MAPK6: variants seen among roughly 807,000 people sequenced by gnomAD.
MAPK6 encodes the protein ERK-3.
A neutral mutation model predicts 59.3 loss-of-function variants in MAPK6; 19 were observed. The observed-to-expected ratio is 0.32, with a 90% CI of 0.22 to 0.47. The LOEUF (loss-of-function observed/expected upper bound fraction) is 0.47. MAPK6 is among the 20% of genes least tolerant of loss of function. MAPK6 has a pLI of 1.00. For synonymous variants in MAPK6, 316 were observed against 290.3 expected, an observed-to-expected ratio of 1.09 and a Z score of -0.90; for missense variants, 724 against 847.9, an observed-to-expected ratio of 0.85 and a Z score of 1.81.
chr15:51,980,259 C>T (rs149680597), intron 1 of MAPK6, among the ~76,000 whole-genome samples: 42 of 150,254 alleles, frequency 2.8e-4, no homozygotes, highest in African/African-American at 1.0e-3. Flanking sequence ...CACTCCATTG[C>T]ACTCCAGCCT....
chr15:51,984,679 A>G (rs1476199399), intron 2 of MAPK6, among the ~76,000 whole-genome samples: 1 of 151,072 alleles, frequency 6.6e-6, no homozygotes, highest in African/African-American at 2.5e-5. Flanking sequence ...CTTAACAACC[A>G]GTTCTCCGGG....
At position 52,055,696 on chromosome 15, in the gene MAPK6, A is replaced by G. The variant is rs144652542; in HGVS notation, c.701-2937A>G. Reference sequence around the variant, plus strand: ...ATGCCCGGCTAATTTTTGAAATTTTAGTAGAGACAGGATTTCACCATATTG... The same window carrying G: ...ATGCCCGGCTAATTTTTGAAATTTTGGTAGAGACAGGATTTCACCATATTG... On this transcript the variant is annotated intron_variant, in intron 3 of 5. Coordinates refer to ENST00000261845, the MANE Select transcript of MAPK6 (RefSeq NM_002748.4). 3.9e-3 allele frequency among the ~76,000 whole-genome samples: 590 copies of G among 152,200 alleles called. 1 individual carries two copies. The highest frequency in any genetic ancestry group is 4.3e-3 in the Non-Finnish European group (292 of 68,008).
At chr15:52,009,466 ACTCT>A (rs998320337) in intron 3 of MAPK6, among the ~76,000 whole-genome samples, 12 of 152,124 alleles carry the variant, frequency 7.9e-5, no homozygotes, top group Admixed American at 1.3e-4. Flanking sequence ...AGAAAGTGTC[ACTCT>A]CTCTATGCTT....
chr15:52,058,547 TATA>T lies in MAPK6; in HGVS notation c.701-82_701-80del, dbSNP rs2141119070. ...TCAAACTTTTCCCCCCACTGGTCAT[TATA>T]ATATTTAAATTAGTTTAGTATGTTT... On this transcript the variant is annotated intron_variant, in intron 3 of 5. Transcript: ENST00000261845. 7 of 1,156,224 alleles carry T rather than the reference TATA, an allele frequency of 6.1e-6. No homozygotes were observed. In the South Asian group the frequency reaches 7.5e-5, roughly 12 times the overall value. The allele number at this position is 1,156,224 out of a possible 1,614,324, so 71.6% of individuals were successfully genotyped here. A position where few individuals can be genotyped will look rare whatever the true frequency, so the allele number is the denominator to read the frequency against.
chr15:52,008,556 A>G (rs1263006560), intron 3 of MAPK6, among the ~76,000 whole-genome samples: 1 of 152,192 alleles, frequency 6.6e-6, no homozygotes, highest in African/African-American at 2.4e-5. Context: ...TAGTGAACAT[A>G]CTTATTGCAT....
At chr15:51,975,386 C>G (rs973270809) in intron 1 of MAPK6, among the ~76,000 whole-genome samples, 6 of 151,372 alleles carry the variant, frequency 4.0e-5, no homozygotes, top group African/African-American at 1.5e-4. Context: ...ACTAAGAATA[C>G]AAAAATTAGC....
At position 51,974,733 on chromosome 15, in the gene MAPK6, C is replaced by G. The variant is rs187207024; in HGVS notation, c.-880+2827C>G. 1.2e-3 allele frequency among the ~76,000 whole-genome samples: 183 copies of G among 150,636 alleles called. 9 individuals carry two copies. The highest frequency in any genetic ancestry group is 9.0e-3 in the East Asian group (46 of 5,108). On this transcript the variant is annotated intron_variant, in intron 1 of 7. Transcript: ENST00000691380. ...ATGGAGAATTTCTTTTTTCCCCCCC[C>G]GCAAGACAGAGTCTTGCTCTGTCAC...
chr15:52,024,098 C>G lies in MAPK6; in HGVS notation c.-632+4722C>G, dbSNP rs536025331. On this transcript the variant is annotated intron_variant, in intron 1 of 5. Transcript: ENST00000261845. ...TGTTTTTTAGAATCCTAGCATTTACCTCAGAAAAGTCTGCCTCTGCAGAAA... is the reference window on the plus strand; with the variant it reads ...TGTTTTTTAGAATCCTAGCATTTACGTCAGAAAAGTCTGCCTCTGCAGAAA... Among the ~76,000 whole-genome samples, 5 of 152,122 alleles carry G rather than the reference C, an allele frequency of 3.3e-5. No individual in the cohort carries two copies. In the South Asian group the frequency reaches 6.2e-4, roughly 19 times the overall value.
intron 2 of MAPK6, among the ~76,000 whole-genome samples, chr15:52,047,248 A>G (rs2031621660): frequency 6.6e-6 from 1 of 152,178 alleles, no homozygotes; most frequent in East Asian, 1.9e-4. Flanking sequence ...GTGTATGGTT[A>G]TTTATTATAA....
At chr15:52,029,163 C>T (rs1314520079) in intron 1 of MAPK6, among the ~76,000 whole-genome samples, 1 of 152,076 alleles carries the variant, frequency 6.6e-6, no homozygotes, top group African/African-American at 2.4e-5. Flanking sequence ...TCAGCCTCCC[C>T]AGTAGCTGGG....
intron 1 of MAPK6, among the ~76,000 whole-genome samples, chr15:52,030,323 CTTA>C (rs1476462051): frequency 2.6e-5 from 4 of 152,166 alleles, no homozygotes; most frequent in Admixed American, 2.6e-4. Context: ...CCTTGTCTGT[CTTA>C]TTCTCTACTA....
At chr15:52,058,141 C>CCCTTTATTTCTTT (rs144930719) in intron 3 of MAPK6, among the ~76,000 whole-genome samples, 2,596 of 152,264 alleles carry the variant, frequency 0.017, 72 homozygotes, top group African/African-American at 0.059. Context: ...TAAAGTTTCC[C>CCCTTTATTTCTTT]CCTTTATTTC....
chr15:51,978,839 G>C (rs1306685038), intron 1 of MAPK6, among the ~76,000 whole-genome samples: 1 of 151,740 alleles, frequency 6.6e-6, no homozygotes, highest in African/African-American at 2.4e-5. Context: ...AATTTGAAGG[G>C]GCCAAGCATG....
intron 2 of MAPK6, among the ~76,000 whole-genome samples, chr15:52,049,209 C>T (rs1210559897): frequency 2.6e-5 from 4 of 152,134 alleles, no homozygotes; most frequent in Non-Finnish European, 5.9e-5. Flanking sequence ...AGGAGGTAGA[C>T]ATTGGTTTAT....
chr15:52,001,929 G>A (rs1291721350), intron 2 of MAPK6, among the ~76,000 whole-genome samples: 1 of 151,990 alleles, frequency 6.6e-6, no homozygotes, highest in African/African-American at 2.4e-5. Context: ...ATGTGTCAGA[G>A]TCTCACTCTT....
chr15:52,018,458 C>T (rs1175374696), upstream of MAPK6, among the ~76,000 whole-genome samples: 1 of 152,196 alleles, frequency 6.6e-6, no homozygotes, highest in Admixed American at 6.5e-5. Context: ...TGCTGACCTG[C>T]GTCTCTAATT....
At chr15:52,014,849 A>G (rs1276429627), upstream of MAPK6, among the ~76,000 whole-genome samples, 1 of 152,242 alleles carries the variant, frequency 6.6e-6, no homozygotes, top group Admixed American at 6.5e-5. Flanking sequence ...CAAAAGTTGC[A>G]GAAAACAATG....
chr15:51,992,689 A>G (rs993806066), intron 2 of MAPK6, among the ~76,000 whole-genome samples: 1 of 152,094 alleles, frequency 6.6e-6, no homozygotes, highest in Non-Finnish European at 1.5e-5. Context: ...TGGGGTTTCC[A>G]TGACTCTCTC....
At chr15:51,976,045 T>A (rs1259394702) in intron 1 of MAPK6, among the ~76,000 whole-genome samples, 1 of 151,576 alleles carries the variant, frequency 6.6e-6, no homozygotes, top group Non-Finnish European at 1.5e-5. Context: ...GGCGGGCGGA[T>A]CACGAGGTCA....
Sources: gnomAD v4.1 joint callset for allele counts (sites outside exome capture counted in the v4.1 genomes callset) on GRCh38, gnomAD v4.1.1 for gene constraint, MANE v1.5 for transcripts, NCBI Gene and HGNC (gene_info 2026-07-23, HGNC 2026-07-21) for gene names.